The following RNF220 variants were observed in gnomAD, a reference collection of about 807,000 sequenced individuals.
RNF220 encodes the protein ring finger protein 220, also known as E3 ubiquitin-protein ligase RNF220.
RNF220 carries 7 observed loss-of-function variants against 67.1 expected under a neutral mutation model. That is an observed-to-expected ratio of 0.10 (90% CI 0.06 to 0.20). The LOEUF is 0.20. Ranked by LOEUF, RNF220 falls within the 10% of genes least tolerant of loss-of-function variation. The probability of loss-of-function intolerance (pLI) is 1.00; values close to 1 mark genes in which losing one functional copy is unlikely to be tolerated. For synonymous variants in RNF220, 270 were observed against 283.2 expected, an observed-to-expected ratio of 0.95 and a Z score of 0.47; for missense variants, 565 against 740.3, an observed-to-expected ratio of 0.76 and a Z score of 2.75.
At position 44,412,197 on chromosome 1, in the gene RNF220, G is replaced by C. The variant is rs1002629108; in HGVS notation, c.100G>C (p.Ala34Pro). 1 of 1,614,034 alleles carries C rather than the reference G, an allele frequency of 6.2e-7. No homozygotes were observed. Among genetic ancestry groups the C allele is most frequent in the Non-Finnish European group, 8.5e-7 (1 of 1,180,014 alleles). The change falls in exon 2 of 15, where the codon GCC becomes CCC. Residue 34 changes from alanine (A) to proline (P), a missense_variant. Physicochemically the swap from Ala to Pro is conservative, Grantham distance 27. Transcript: ENST00000361799. This position sits in a 1 kb window ranked among gnomAD's most constrained non-coding sequence, Gnocchi z 5.3. ...GATGGTCCTGGCATCCACGGCTGAG[G>C]CCAGCCGTGATGCTTCCATCCCTTG... ...ALMVLASTAE[A>P]SRDASIPCQQ...
In RNF220 at chr1:44,417,512, G is replaced by A. The variant is rs1333004675; in HGVS notation, c.625+4790G>A. Among the ~76,000 whole-genome samples the A allele has an allele frequency of 6.6e-6, 1 of 151,890 alleles. No individual in the cohort carries two copies. The highest frequency in any genetic ancestry group is 2.4e-5 in the African/African-American group (1 of 41,328). On this transcript the variant is annotated intron_variant, in intron 2 of 14. Coordinates refer to ENST00000361799, the MANE Select transcript of RNF220 (RefSeq NM_018150.4). This position sits in a 1 kb window ranked among gnomAD's most constrained non-coding sequence, Gnocchi z 4.0. The stretch of plus-strand genomic sequence containing the variant: ...CTGGGCTCGCTGTAGTTGTGCTCCC[G>A]CTCTTCCCCTGCCCTCGCTCCACGC...
chr1:44,649,447 G>A lies in RNF220; in HGVS notation c.1446-214G>A. ...AAATGGTTCCCTGGTATCTGGTGTA[G>A]AAATTCATCCGAATGGGAATGGAGG... On this transcript the variant is annotated intron_variant, in intron 12 of 14. Transcript: ENST00000361799. This position sits in a 1 kb window ranked among gnomAD's most constrained non-coding sequence, Gnocchi z 5.9. 1.7e-6 allele frequency: 1 copy of A among 591,056 alleles called. No individual in the cohort carries two copies. The highest frequency in any genetic ancestry group is 3.0e-6 in the Non-Finnish European group (1 of 331,654). 36.6% of individuals were successfully genotyped at this position (591,056 alleles called of 1,614,324 possible).
At position 44,443,865 on chromosome 1, in the gene RNF220, C is replaced by T. The variant is rs186873565; in HGVS notation, c.625+31143C>T. On this transcript the variant is annotated intron_variant, in intron 2 of 14. Transcript: ENST00000361799. Reference sequence around the variant, plus strand: ...CAGCACTTTGGGAGGCCGAGGCAGGCGGATCGCCTGAGGTCAGGAGTTCGA... The same window carrying T: ...CAGCACTTTGGGAGGCCGAGGCAGGTGGATCGCCTGAGGTCAGGAGTTCGA... Among the ~76,000 whole-genome samples the T allele has an allele frequency of 2.0e-3, 305 of 152,226 alleles. 1 individual carries two copies. Among genetic ancestry groups the T allele is most frequent in the African/African-American group, 6.5e-3 (272 of 41,532 alleles).
intron 2 of RNF220, among the ~76,000 whole-genome samples, chr1:44,501,063 GGT>G (rs1657813546): frequency 6.6e-6 from 1 of 150,882 alleles, no homozygotes; most frequent in Non-Finnish European, 1.5e-5. Context: ...TGGGGGTGGG[GGT>G]GGGGGTATCG....
In RNF220 at chr1:44,645,122, CAGGA is replaced by C. The variant is rs1644600622; in HGVS notation, c.1310+44_1310+47del. ...GGCTTGGGCGGGTGGAGCAGAGAAA[CAGGA>C]AGCCCTGAGGCAGGGGTTAACGCAG... On this transcript the variant is annotated intron_variant, in intron 10 of 14. Coordinates refer to ENST00000361799, the MANE Select transcript of RNF220 (RefSeq NM_018150.4). The surrounding 1 kb of genome is among the most constrained non-coding windows in gnomAD (Gnocchi z 5.0). The C allele has an allele frequency of 6.2e-7, 1 of 1,612,808 alleles. No individual in the cohort carries two copies. The highest frequency in any genetic ancestry group is 1.7e-5 in the Admixed American group (1 of 59,994).
At chr1:44,416,192 A>T (rs1260767651) in intron 2 of RNF220, among the ~76,000 whole-genome samples, 1 of 152,208 alleles carries the variant, frequency 6.6e-6, no homozygotes, top group Non-Finnish European at 1.5e-5. Context: ...CCATTCATGG[A>T]GGATGCATAA....
chr1:44,433,885 C>T (rs773757168), intron 2 of RNF220, among the ~76,000 whole-genome samples: 5 of 152,136 alleles, frequency 3.3e-5, no homozygotes, highest in African/African-American at 4.8e-5. Flanking sequence ...TTGCTTGAGC[C>T]TGGGAGGCAG....
intron 6 of RNF220, among the ~76,000 whole-genome samples, chr1:44,634,194 G>C (rs1644256906): frequency 6.6e-6 from 1 of 152,190 alleles, no homozygotes; most frequent in South Asian, 2.1e-4. Context: ...AGTCTTTGTT[G>C]ATGCTGCTCA....
intron 2 of RNF220, among the ~76,000 whole-genome samples, chr1:44,543,914 G>A (rs149770536): frequency 9.7e-4 from 147 of 152,296 alleles, no homozygotes; most frequent in African/African-American, 3.2e-3. Flanking sequence ...GGGCAGTGGC[G>A]AGTGGTGGAG....
chr1:44,636,107 G>A lies in RNF220; in HGVS notation c.1071G>A (p.Glu357=). ...ACAACAACCGCTTTGAGGAGTATGAGTGGTGTGGACAGAAGCGGATACGGG... is the reference window on the plus strand; with the variant it reads ...ACAACAACCGCTTTGAGGAGTATGAATGGTGTGGACAGAAGCGGATACGGG... ...HENNNRFEEY[E]WCGQKRIRAT... Residue 357 remains glutamate, a synonymous_variant, in exon 8 of 15, where the codon GAG becomes GAA. Transcript: ENST00000361799. The A allele has an allele frequency of 6.2e-7, 1 of 1,614,192 alleles. No homozygotes were observed. Among genetic ancestry groups the A allele is most frequent in the Non-Finnish European group, 8.5e-7 (1 of 1,179,988 alleles).
intron 2 of RNF220, among the ~76,000 whole-genome samples, chr1:44,607,144 G>A (rs747303850): frequency 2.6e-5 from 4 of 152,114 alleles, no homozygotes; most frequent in South Asian, 2.1e-4. Context: ...AGAGCAAGCC[G>A]CCATCGTCTC....
At chr1:44,512,683 G>A (rs961722157) in intron 2 of RNF220, among the ~76,000 whole-genome samples, 2 of 152,228 alleles carry the variant, frequency 1.3e-5, no homozygotes, top group Non-Finnish European at 2.9e-5. Flanking sequence ...AGCTAAATCT[G>A]TTTAGCTTGG....
chr1:44,515,036 G>T (rs1368196145), intron 2 of RNF220, among the ~76,000 whole-genome samples: 3 of 152,292 alleles, frequency 2.0e-5, no homozygotes, highest in East Asian at 3.9e-4. Context: ...ACTGTTCCAG[G>T]GAGTGGCTAT....
At chr1:44,573,537 C>G (rs545629402) in intron 2 of RNF220, among the ~76,000 whole-genome samples, 15 of 152,320 alleles carry the variant, frequency 9.8e-5, no homozygotes, top group African/African-American at 3.1e-4. Flanking sequence ...GGATCAAGAG[C>G]AAGCCTGGAA....
rs1648110561 is a variant in RNF220 at position 44,412,830 on chromosome 1, A to C, written c.625+108A>C. 2 of 1,269,086 alleles carry C rather than the reference A, an allele frequency of 1.6e-6. No individual in the cohort carries two copies. Among genetic ancestry groups the C allele is most frequent in the Admixed American group, 2.2e-5 (1 of 45,966 alleles). 78.6% of individuals were successfully genotyped at this position (1,269,086 alleles called of 1,614,324 possible). On this transcript the variant is annotated intron_variant, in intron 2 of 14. Coordinates refer to ENST00000361799, the MANE Select transcript of RNF220 (RefSeq NM_018150.4). The surrounding 1 kb of genome is among the most constrained non-coding windows in gnomAD (Gnocchi z 5.3). ...ATGCTCCTAGTAATAGGAAGGGCCA[A>C]CTACTTCCCTTTCACTAGCTGTGGA...
chr1:44,500,229 C>T (rs1254992229), intron 2 of RNF220, among the ~76,000 whole-genome samples: 4 of 152,226 alleles, frequency 2.6e-5, no homozygotes, highest in African/African-American at 7.2e-5. Flanking sequence ...TCACAGGCTA[C>T]ACACGCTGCC....
intron 2 of RNF220, among the ~76,000 whole-genome samples, chr1:44,583,182 C>A (rs1178103025): frequency 6.6e-6 from 1 of 151,694 alleles, no homozygotes; most frequent in Non-Finnish European, 1.5e-5. Context: ...TGATGAATAT[C>A]AGTTTCTCTT....
At chr1:44,589,579 A>C (rs1665967611) in intron 2 of RNF220, among the ~76,000 whole-genome samples, 1 of 143,842 alleles carries the variant, frequency 7.0e-6, no homozygotes, top group African/African-American at 2.6e-5. Context: ...ATGCCACTGC[A>C]CTCCAGCCTG....
At chr1:44,491,188 T>G (rs1210841602) in intron 2 of RNF220, among the ~76,000 whole-genome samples, 1 of 152,152 alleles carries the variant, frequency 6.6e-6, no homozygotes, top group African/African-American at 2.4e-5. Context: ...CTTCACCAAG[T>G]CTTCCAAAGA....
Sources: gnomAD v4.1 joint callset for allele counts (sites outside exome capture counted in the v4.1 genomes callset) on GRCh38, gnomAD v4.1.1 for gene constraint, Gnocchi (gnomAD v3.1) non-coding constraint, MANE v1.5 for transcripts, NCBI Gene and HGNC (gene_info 2026-07-23, HGNC 2026-07-21) for gene names.